Variants in TRPV4 observed in about 807,000 individuals in gnomAD.
The protein encoded by TRPV4 is transient receptor potential cation channel subfamily V member 4.
A neutral mutation model predicts 84.1 loss-of-function variants in TRPV4; 58 were observed. That is an observed-to-expected ratio of 0.69 (90% CI 0.56 to 0.86). TRPV4 has a LOEUF of 0.86. TRPV4 is among the 40% of genes least tolerant of loss of function. TRPV4 has a pLI of 0.00. For synonymous variants in TRPV4, 489 were observed against 500.9 expected (o/e 0.98, Z 0.32); for missense variants, 879 against 1,181.1 (o/e 0.74, Z 3.75).
chr12:109,783,552 G>A lies in TRPV4; in HGVS notation c.*69C>T. The A allele has an allele frequency of 6.4e-7, 1 of 1,570,316 alleles. No homozygotes were observed. The highest frequency in any genetic ancestry group is 8.7e-7 in the Non-Finnish European group (1 of 1,155,706). On this transcript the variant is annotated 3_prime_UTR_variant, in exon 16 of 16. Transcript: ENST00000261740. The surrounding 1 kb of genome is among the most constrained non-coding windows in gnomAD (Gnocchi z 4.6). The stretch of plus-strand genomic sequence containing the variant: ...AAGCAGGGTGTGGGGGGACACCCCA[G>A]AAGGCACTGCTGAAATGCGGCTGGA...
At position 109,796,775 on chromosome 12, in the gene TRPV4, C is replaced by T; in HGVS notation, c.1153-71G>A. The stretch of plus-strand genomic sequence containing the variant: ...CCCCAGGGCTGGGCCCAGCTCAGCA[C>T]ATGACGCCTCCCCAGAAAACAGCTA... On this transcript the variant is annotated intron_variant, in intron 6 of 15. Transcript: ENST00000261740. The surrounding 1 kb of genome is among the most constrained non-coding windows in gnomAD (Gnocchi z 4.2). 6.7e-7 allele frequency: 1 copy of T among 1,494,828 alleles called. No individual in the cohort carries two copies. The highest frequency in any genetic ancestry group is 1.3e-5 in the South Asian group (1 of 76,786). The allele number at this position is 1,494,828 out of a possible 1,614,324, so 92.6% of individuals were successfully genotyped here.
chr12:109,806,826 A>C (rs1891166735), intron 3 of TRPV4, among the ~76,000 whole-genome samples: 1 of 148,752 alleles, frequency 6.7e-6, no homozygotes. Context: ...ACACCACAGC[A>C]TTCCAGCCTG....
chr12:109,784,776 A>G lies in TRPV4; in HGVS notation c.2337-339T>C, dbSNP rs191500524. On this transcript the variant is annotated intron_variant, in intron 14 of 15. Transcript: ENST00000261740. The stretch of plus-strand genomic sequence containing the variant: ...GGAAAATCACTTGAACCTGGGAGGC[A>G]GTTGCAGTGAGCCGAGATCACGCCA... 0.025 allele frequency among the ~76,000 whole-genome samples: 3,614 copies of G among 144,532 alleles called. 89 individuals carry two copies. Among genetic ancestry groups the G allele is most frequent in the African/African-American group, 0.063 (2,437 of 38,832 alleles). The allele number at this position is 144,532 out of a possible 152,430, so 94.8% of individuals were successfully genotyped here.
intron 1 of TRPV4, among the ~76,000 whole-genome samples, chr12:109,827,590 A>G (rs1052047735): frequency 1.3e-5 from 2 of 151,970 alleles, no homozygotes; most frequent in African/African-American, 2.4e-5. Context: ...AAATACATAT[A>G]CACATTACAC....
chr12:109,784,247 G>A, intron 15 of TRPV4, 69 bp downstream of exon 15: 1 of 1,610,326 alleles, frequency 6.2e-7, no homozygotes, highest in Non-Finnish European at 8.5e-7. Context: ...GAAAGAAGCA[G>A]GACTGCTCAA....
Position 109,808,286 on chromosome 12 carries a change from G to T in TRPV4, c.559+10C>A, listed in dbSNP as rs1429481482. On this transcript the variant is annotated intron_variant, in intron 3 of 15. Coordinates refer to ENST00000261740, the MANE Select transcript of TRPV4 (RefSeq NM_021625.5). ...CTGTCCCACTGGCTATGCCCATCTG[G>T]GTGGCTCACCTCGAAACTCCTCATC... 2.5e-6 allele frequency: 4 copies of T among 1,613,998 alleles called. No individual in the cohort carries two copies. The highest frequency in any genetic ancestry group is 3.4e-6 in the Non-Finnish European group (4 of 1,179,976).
intron 2 of TRPV4, among the ~76,000 whole-genome samples, chr12:109,812,367 A>G (rs1026046018): frequency 3.3e-5 from 5 of 152,220 alleles, no homozygotes; most frequent in African/African-American, 1.2e-4. Flanking sequence ...ATTATGGGAA[A>G]GAAGGTTGAA....
At chr12:109,828,542 C>T (rs1436204023) in intron 1 of TRPV4, among the ~76,000 whole-genome samples, 1 of 152,246 alleles carries the variant, frequency 6.6e-6, no homozygotes, top group African/African-American at 2.4e-5. Flanking sequence ...AATCCCTCCT[C>T]AAGTTGGCAG....
chr12:109,785,239 C>G (rs1400132849), intron 14 of TRPV4, among the ~76,000 whole-genome samples: 1 of 152,046 alleles, frequency 6.6e-6, no homozygotes, highest in Non-Finnish European at 1.5e-5. Flanking sequence ...TGGTCTTGAA[C>G]TCCTGGGCTC....
chr12:109,784,808 T>C (rs1368801385), intron 14 of TRPV4, among the ~76,000 whole-genome samples: 4 of 122,130 alleles, frequency 3.3e-5, no homozygotes, highest in African/African-American at 1.3e-4. Context: ...GCCACTGCAC[T>C]CCAACCTGGG....
At chr12:109,792,880 G>A (rs2136470169) in intron 10 of TRPV4, 63 bp from the exon 11 acceptor site, 1 of 1,569,696 alleles carries the variant, frequency 6.4e-7, no homozygotes, top group Non-Finnish European at 8.7e-7. Context: ...GGCTCTGGAG[G>A]GGAAGACACG....
Position 109,814,033 on chromosome 12 carries a change from A to T in TRPV4, c.386+378T>A, listed in dbSNP as rs537623762. ...TGGATAGATGATAGATGGCTGGATG[A>T]TGGATGGATGTATGGATGGATGATA... is the stretch of plus-strand genomic sequence containing the variant. On this transcript the variant is annotated intron_variant, in intron 2 of 15. Transcript: ENST00000261740. This position sits in a 1 kb window ranked among gnomAD's most constrained non-coding sequence, Gnocchi z 5.4. Among the ~76,000 whole-genome samples, 4 of 151,756 alleles carry T rather than the reference A, an allele frequency of 2.6e-5. No homozygotes were observed. Among genetic ancestry groups the T allele is most frequent in the African/African-American group, 4.8e-5 (2 of 41,240 alleles).
At chr12:109,816,033 C>A (rs1383705655) in intron 1 of TRPV4, among the ~76,000 whole-genome samples, 2 of 152,242 alleles carry the variant, frequency 1.3e-5, no homozygotes, top group African/African-American at 4.8e-5. Flanking sequence ...CTTACCACCC[C>A]ACCCGGGAGG....
intron 3 of TRPV4, among the ~76,000 whole-genome samples, chr12:109,807,451 G>C (rs1891221798): frequency 6.8e-6 from 1 of 147,172 alleles, no homozygotes; most frequent in East Asian, 2.0e-4. Flanking sequence ...CATGATCACA[G>C]CTCACTGCAG....
chr12:109,819,123 A>G (rs900342284), intron 1 of TRPV4, among the ~76,000 whole-genome samples: 18 of 151,710 alleles, frequency 1.2e-4, no homozygotes, highest in African/African-American at 4.4e-4. Flanking sequence ...CTCTGTGGCA[A>G]TTCCCTCCCC....
intron 1 of TRPV4, among the ~76,000 whole-genome samples, chr12:109,820,071 T>C (rs1340651106): frequency 4.6e-5 from 7 of 152,192 alleles, no homozygotes; most frequent in Admixed American, 3.9e-4. Context: ...CACACATTTA[T>C]TGAGCACCTA....
chr12:109,786,665 G>A lies in TRPV4; in HGVS notation c.2336+45C>T. 3.1e-6 allele frequency: 5 copies of A among 1,611,834 alleles called. No individual in the cohort carries two copies. Among genetic ancestry groups the A allele is most frequent in the Non-Finnish European group, 4.2e-6 (5 of 1,179,638 alleles). On this transcript the variant is annotated intron_variant, in intron 14 of 15. Coordinates refer to ENST00000261740, the MANE Select transcript of TRPV4 (RefSeq NM_021625.5). This position sits in a 1 kb window ranked among gnomAD's most constrained non-coding sequence, Gnocchi z 4.5. ...AGCAGCAGGGGCCCCGAGCCAGTGGGGACAGTTCCGCCCTGCCATCCTGGC... is the reference window on the plus strand; with the variant it reads ...AGCAGCAGGGGCCCCGAGCCAGTGGAGACAGTTCCGCCCTGCCATCCTGGC...
Position 109,815,264 on chromosome 12 carries a change from G to T in TRPV4, c.-31-437C>A, listed in dbSNP as rs1028220591. Among the ~76,000 whole-genome samples the T allele has an allele frequency of 6.6e-6, 1 of 152,236 alleles. No individual in the cohort carries two copies. Among genetic ancestry groups the T allele is most frequent in the Non-Finnish European group, 1.5e-5 (1 of 68,052 alleles). ...CTCAGCTTCCTGATCTGTAAGATGG[G>T]GATATCCAAGCCTCATGGACAGAAC... On this transcript the variant is annotated intron_variant, in intron 1 of 15. Transcript: ENST00000261740. The surrounding 1 kb of genome is among the most constrained non-coding windows in gnomAD (Gnocchi z 4.1).
At chr12:109,809,585 C>T (rs1891392392) in intron 2 of TRPV4, among the ~76,000 whole-genome samples, 1 of 150,406 alleles carries the variant, frequency 6.6e-6, no homozygotes, top group African/African-American at 2.5e-5. Context: ...CATCCATCCA[C>T]TCACCCATCC....
Sources: gnomAD v4.1 joint callset for allele counts (sites outside exome capture counted in the v4.1 genomes callset) on GRCh38, gnomAD v4.1.1 for gene constraint, Gnocchi (gnomAD v3.1) non-coding constraint, MANE v1.5 for transcripts, NCBI Gene and HGNC (gene_info 2026-07-23, HGNC 2026-07-21) for gene names.